The following RYR2 variants were observed in gnomAD, a reference collection of about 807,000 sequenced individuals.
RYR2 encodes the protein ryanodine receptor 2, also known as cardiac muscle ryanodine receptor-calcium release channel.
RYR2 carries 227 observed loss-of-function variants against 601.1 expected under a neutral mutation model. The ratio of observed to expected loss-of-function variants is 0.38; its 90% confidence interval spans 0.34 to 0.42. The LOEUF (loss-of-function observed/expected upper bound fraction) is 0.42, where lower values mean the gene tolerates loss of function less well. Ranked by LOEUF, RYR2 falls within the 10% of genes least tolerant of loss-of-function variation. The pLI is 1.00. For missense variants in RYR2, 4,646 were observed against 6,156.5 expected, an observed-to-expected ratio of 0.75 and a Z score of 8.21; for synonymous variants, 2,223 against 2,175.1, an observed-to-expected ratio of 1.02 and a Z score of -0.61.
intron 8 of RYR2, among the ~76,000 whole-genome samples, chr1:237,380,365 T>C (rs1446610185): frequency 4.8e-4 from 2 of 4,208 alleles, no homozygotes; most frequent in Non-Finnish European, 8.9e-4. Flanking sequence ...CACAAATATA[T>C]ATATATATAT....
intron 1 of RYR2, among the ~76,000 whole-genome samples, chr1:237,062,674 A>AT (rs935024498): frequency 6.6e-6 from 1 of 151,850 alleles, no homozygotes; most frequent in Non-Finnish European, 1.5e-5. Flanking sequence ...TGACCATTTT[A>AT]TTTTTTGCTT....
chr1:237,638,564 C>G, intron 45 of RYR2, 72 bp downstream of exon 45: 1 of 1,486,976 alleles, frequency 6.7e-7, no homozygotes, highest in South Asian at 1.2e-5. Flanking sequence ...GGATTCATCT[C>G]AGCACTTTCA....
At chr1:237,189,909 G>A (rs1442208290) in intron 1 of RYR2, among the ~76,000 whole-genome samples, 1 of 147,010 alleles carries the variant, frequency 6.8e-6, no homozygotes, top group Non-Finnish European at 1.5e-5. Flanking sequence ...GTTTCACTTT[G>A]TCACCCAGGC....
At chr1:237,206,204 A>AG (rs1366954527) in intron 1 of RYR2, among the ~76,000 whole-genome samples, 3 of 152,162 alleles carry the variant, frequency 2.0e-5, no homozygotes, top group African/African-American at 7.2e-5. Context: ...GTGAGCCACT[A>AG]GGACCCCCAG....
At chr1:237,606,047 C>T (rs1384096980) in intron 35 of RYR2, among the ~76,000 whole-genome samples, 4 of 151,234 alleles carry the variant, frequency 2.6e-5, no homozygotes, top group African/African-American at 9.7e-5. Context: ...TGACTTTCTT[C>T]ACAGAATTGG....
intron 96 of RYR2, among the ~76,000 whole-genome samples, chr1:237,796,493 C>G (rs1198996193): frequency 6.6e-6 from 1 of 152,156 alleles, no homozygotes; most frequent in Non-Finnish European, 1.5e-5. Context: ...TTTAATTAAC[C>G]TAAGTAGTTC....
intron 56 of RYR2, among the ~76,000 whole-genome samples, chr1:237,663,632 A>G (rs965664975): frequency 6.6e-6 from 1 of 152,230 alleles, no homozygotes; most frequent in African/African-American, 2.4e-5. Flanking sequence ...TGGTATGAGC[A>G]TCGGCTTTGA....
intron 12 of RYR2, among the ~76,000 whole-genome samples, chr1:237,424,306 G>C (rs188264667): frequency 6.6e-6 from 1 of 152,174 alleles, no homozygotes; most frequent in Non-Finnish European, 1.5e-5. Context: ...AATAGATAAA[G>C]ATTTGACTTT....
rs117976079 is a variant in RYR2, at chr1:237,570,983, C to A, written c.3598+1664C>A. On this transcript the variant is annotated intron_variant, in intron 29 of 104. Coordinates refer to ENST00000366574, the MANE Select transcript of RYR2 (RefSeq NM_001035.3). ...TTCTACAAAAATTAAAAAAATTAGC[C>A]AGTTGTGGTGGCATGTTCCTGTAGC... 1.5e-3 allele frequency among the ~76,000 whole-genome samples: 226 copies of A among 152,108 alleles called. 4 individuals carry two copies. The East Asian group carries it at 0.031, about 21-fold the overall frequency.
intron 2 of RYR2, among the ~76,000 whole-genome samples, chr1:237,330,002 C>T (rs1260502519): frequency 3.3e-5 from 5 of 152,118 alleles, no homozygotes; most frequent in Non-Finnish European, 7.4e-5. Flanking sequence ...AAGGAGAAAC[C>T]TGTGTTTGGG....
chr1:237,691,359 C>T (rs890581036), intron 63 of RYR2, among the ~76,000 whole-genome samples: 1 of 151,878 alleles, frequency 6.6e-6, no homozygotes, highest in African/African-American at 2.4e-5. Context: ...AATGAAGAGA[C>T]AAAATACATG....
At chr1:237,433,194 T>C (rs1422350647) in intron 12 of RYR2, among the ~76,000 whole-genome samples, 1 of 152,066 alleles carries the variant, frequency 6.6e-6, no homozygotes, top group Admixed American at 6.6e-5. Flanking sequence ...AAAAGGGCTG[T>C]GGAACTAACA....
intron 4 of RYR2, among the ~76,000 whole-genome samples, chr1:237,362,495 A>T (rs1558686179): frequency 6.6e-6 from 1 of 152,072 alleles, no homozygotes; most frequent in African/African-American, 2.4e-5. Flanking sequence ...ACTTTCCATC[A>T]TATCAATTTT....
At chr1:237,448,535 C>T (rs949351395) in intron 14 of RYR2, among the ~76,000 whole-genome samples, 31 of 152,056 alleles carry the variant, frequency 2.0e-4, no homozygotes, top group African/African-American at 7.0e-4. Context: ...AATTTCCTTA[C>T]GTTTTTCAGT....
In RYR2 at chr1:237,627,905, C is replaced by T. The variant is rs1057524513; in HGVS notation, c.6265C>T (p.His2089Tyr). ...GGTGAGGGCCATGTTTGTGTTGCTC[C>T]ATCGGCAGTATGACGGCATTGGGGG... The part of the protein sequence containing the change: ...ELVRAMFVLL[H>Y]RQYDGIGGLV... Residue 2089 changes from histidine (H) to tyrosine (Y), a missense_variant, in exon 41 of 105, where the codon CAT becomes TAT. By Grantham distance (83) the His-to-Tyr change is moderately conservative (BLOSUM62 2). Coordinates refer to ENST00000366574, the MANE Select transcript of RYR2 (RefSeq NM_001035.3). 5 of 1,613,758 alleles carry T rather than the reference C, an allele frequency of 3.1e-6. No individual in the cohort carries two copies. Among genetic ancestry groups the T allele is most frequent in the Middle Eastern group, 1.6e-4 (1 of 6,084 alleles).
intron 3 of RYR2, among the ~76,000 whole-genome samples, chr1:237,354,694 G>T (rs1389989390): frequency 6.6e-6 from 1 of 152,156 alleles, no homozygotes; most frequent in African/African-American, 2.4e-5. Context: ...TTTAAAAGGA[G>T]ATCTTCAGCT....
intron 10 of RYR2, among the ~76,000 whole-genome samples, chr1:237,401,342 T>C (rs1703328272): frequency 6.6e-6 from 1 of 152,196 alleles, no homozygotes. Flanking sequence ...ACTGCCTCTA[T>C]CTCAGATACC....
intron 1 of RYR2, among the ~76,000 whole-genome samples, chr1:237,168,286 A>C (rs1198423165): frequency 6.6e-6 from 1 of 151,764 alleles, no homozygotes; most frequent in Non-Finnish European, 1.5e-5. Context: ...AAAGAAAAGC[A>C]AGTTTGAACT....
chr1:237,515,834 T>TCTTCTCTTCCTCCCC (rs1666443854), intron 24 of RYR2, among the ~76,000 whole-genome samples: 1 of 134,060 alleles, frequency 7.5e-6, no homozygotes, highest in Non-Finnish European at 1.6e-5. Flanking sequence ...TCTTCCTCCC[T>TCTTCTCTTCCTCCCC]CTTCTCCTCC....
Sources: gnomAD v4.1 joint callset for allele counts (sites outside exome capture counted in the v4.1 genomes callset) on GRCh38, gnomAD v4.1.1 for gene constraint, MANE v1.5 for transcripts, NCBI Gene and HGNC (gene_info 2026-07-23, HGNC 2026-07-21) for gene names.